PDE3A: variants seen among roughly 807,000 people sequenced by gnomAD.
PDE3A encodes the protein phosphodiesterase 3A.
In PDE3A, 43 loss-of-function variants were observed where a neutral mutation model predicts 98.3. The ratio of observed to expected loss-of-function variants is 0.44; its 90% CI spans 0.34 to 0.56. The LOEUF is 0.56. Among genes scored for constraint, PDE3A ranks in the 20% least tolerant of loss-of-function variants. PDE3A has a pLI of 0.01. For missense variants in PDE3A, 1,427 were observed against 1,440.7 expected, an observed-to-expected ratio of 0.99 and a Z score of 0.15; for synonymous variants, 663 against 567.9, an observed-to-expected ratio of 1.17 and a Z score of -2.38.
intron 1 of PDE3A, among the ~76,000 whole-genome samples, chr12:20,447,447 C>T (rs550673013): frequency 6.6e-6 from 1 of 152,296 alleles, no homozygotes; most frequent in Non-Finnish European, 1.5e-5. Context: ...CTCTCAACCT[C>T]TGCAGGGCTG....
chr12:20,652,477 G>C (rs1443052746), intron 14 of PDE3A, among the ~76,000 whole-genome samples: 2 of 152,128 alleles, frequency 1.3e-5, no homozygotes, highest in Non-Finnish European at 2.9e-5. Context: ...GGTGTGAGAT[G>C]GTATCTCGTT....
chr12:20,532,833 C>T (rs999188563), intron 1 of PDE3A, among the ~76,000 whole-genome samples: 2 of 151,400 alleles, frequency 1.3e-5, no homozygotes, highest in African/African-American at 4.8e-5. Flanking sequence ...GGACTACAGG[C>T]GCCCGCCACT....
chr12:20,651,685 A>G (rs1350863408), intron 14 of PDE3A, among the ~76,000 whole-genome samples: 2 of 152,346 alleles, frequency 1.3e-5, no homozygotes, highest in East Asian at 3.9e-4. Context: ...TAATAAATTG[A>G]CTGTCATTGG....
intron 1 of PDE3A, among the ~76,000 whole-genome samples, chr12:20,535,456 GA>G (rs1941724307): frequency 6.6e-6 from 1 of 152,128 alleles, no homozygotes; most frequent in South Asian, 2.1e-4. Flanking sequence ...CTGTCTGTGG[GA>G]CCTTCAGAGG....
intron 10 of PDE3A, 55 bp downstream of exon 10, chr12:20,640,012 G>T (rs936192916): frequency 3.7e-6 from 3 of 808,542 alleles, no homozygotes; most frequent in Non-Finnish European, 6.4e-6. Flanking sequence ...AATTTGCTGT[G>T]GGTAAATGGG....
chr12:20,687,599 T>C lies in PDE3A; in HGVS notation c.*7328T>C, dbSNP rs1946005060. Among the ~76,000 whole-genome samples, 1 of 152,018 alleles carries C rather than the reference T, an allele frequency of 6.6e-6. No homozygotes were observed. The highest frequency in any genetic ancestry group is 6.6e-5 in the Admixed American group (1 of 15,246). ...CCAACAAGAACAATCTGTTAGTTGA[T>C]AAGCACTGGTAATAAATATCACTGA... On this transcript the variant is annotated 3_prime_UTR_variant, in exon 16 of 16. Coordinates refer to ENST00000359062, the MANE Select transcript of PDE3A (RefSeq NM_000921.5).
intron 14 of PDE3A, 21 bp downstream of exon 14, chr12:20,650,621 A>G (rs1464759890): frequency 6.5e-7 from 1 of 1,530,124 alleles, no homozygotes; most frequent in South Asian, 1.1e-5. Context: ...ACTGTTTAAT[A>G]CAGCTTAATC....
At chr12:20,479,842 G>C (rs532562087) in intron 1 of PDE3A, among the ~76,000 whole-genome samples, 1 of 152,158 alleles carries the variant, frequency 6.6e-6, no homozygotes, top group African/African-American at 2.4e-5. Context: ...GTTCAACAAA[G>C]TCTTAAATTG....
intron 1 of PDE3A, among the ~76,000 whole-genome samples, chr12:20,505,447 C>T (rs1034849855): frequency 6.9e-6 from 1 of 144,624 alleles, no homozygotes; most frequent in Admixed American, 6.8e-5. Flanking sequence ...GTAGAGCTCT[C>T]TTTCCATATG....
chr12:20,529,704 C>T (rs1445423561), intron 1 of PDE3A, among the ~76,000 whole-genome samples: 1 of 152,064 alleles, frequency 6.6e-6, no homozygotes, highest in East Asian at 1.9e-4. Flanking sequence ...TGTGAGAGAG[C>T]ATAGGCCTGT....
rs202113500 is a variant in PDE3A at position 20,648,819 on chromosome 12, C to T, written c.2697C>T (p.Phe899=). ...LDHVEFKHFR[F]LVIEAILATD... ...ATGTGGAATTTAAGCATTTCCGTTT[C>T]CTTGTCATTGAAGCAATTTTGGCCA... Residue 899 remains phenylalanine, a synonymous_variant, in exon 13 of 16, where the codon TTC becomes TTT. Coordinates refer to ENST00000359062, the MANE Select transcript of PDE3A (RefSeq NM_000921.5). 8 of 1,613,770 alleles carry T rather than the reference C, an allele frequency of 5.0e-6. No homozygotes were observed. The highest frequency in any genetic ancestry group is 1.3e-5 in the African/African-American group (1 of 74,876).
At chr12:20,572,810 C>T (rs1039334272) in intron 2 of PDE3A, among the ~76,000 whole-genome samples, 3 of 152,094 alleles carry the variant, frequency 2.0e-5, no homozygotes, top group Admixed American at 1.3e-4. Flanking sequence ...TTCACTGCCA[C>T]GGTCCTTCCA....
chr12:20,424,093 G>GT (rs1260351970), intron 1 of PDE3A, among the ~76,000 whole-genome samples: 5 of 149,126 alleles, frequency 3.4e-5, no homozygotes, highest in Non-Finnish European at 6.1e-5. Flanking sequence ...ATGCATAACC[G>GT]TAAGTGCAGT....
At chr12:20,502,513 G>T (rs1174446136) in intron 1 of PDE3A, among the ~76,000 whole-genome samples, 1 of 152,082 alleles carries the variant, frequency 6.6e-6, no homozygotes, top group East Asian at 1.9e-4. Context: ...AAAAATGTTT[G>T]TCTGTAGTCT....
rs1945860688 is a variant in PDE3A, at chr12:20,683,666, G to A, written c.*3395G>A. The A allele has an allele frequency of 6.6e-6, 1 of 152,066 alleles. No homozygotes were observed. Among genetic ancestry groups the A allele is most frequent in the Non-Finnish European group, 1.5e-5 (1 of 68,004 alleles). 9.4% of individuals were successfully genotyped at this position (152,066 alleles called of 1,614,324 possible). A position where few individuals can be genotyped will look rare whatever the true frequency, so the allele number is the denominator to read the frequency against. ...ATTTTTTGTCATTTAGATAAGACCTGGTTTGGCTCTCAATAAAAGATGAAG... is the reference window on the plus strand; with the variant it reads ...ATTTTTTGTCATTTAGATAAGACCTAGTTTGGCTCTCAATAAAAGATGAAG... On this transcript the variant is annotated 3_prime_UTR_variant, in exon 16 of 16. Coordinates refer to ENST00000359062, the MANE Select transcript of PDE3A (RefSeq NM_000921.5).
intron 3 of PDE3A, 27 bp from the exon 4 acceptor site, chr12:20,616,203 G>A (rs1394979585): frequency 1.2e-6 from 2 of 1,604,640 alleles, no homozygotes; most frequent in East Asian, 4.5e-5. Context: ...AAATATTCTG[G>A]GTAATGAAGT....
chr12:20,576,821 C>T (rs955069428), intron 2 of PDE3A, among the ~76,000 whole-genome samples: 6 of 151,994 alleles, frequency 3.9e-5, no homozygotes, highest in African/African-American at 1.4e-4. Flanking sequence ...ATTGGCTTCT[C>T]GTTTTTTAAA....
intron 1 of PDE3A, among the ~76,000 whole-genome samples, chr12:20,490,004 A>T (rs887732017): frequency 2.0e-5 from 3 of 152,148 alleles, no homozygotes; most frequent in African/African-American, 7.2e-5. Flanking sequence ...GGCTTTCTAT[A>T]CCTAGAGATG....
intron 1 of PDE3A, among the ~76,000 whole-genome samples, chr12:20,389,184 G>A (rs1335053437): frequency 1.3e-5 from 2 of 151,926 alleles, no homozygotes; most frequent in Non-Finnish European, 2.9e-5. Context: ...GATGGTTAAG[G>A]TGACAGAGAC....
Sources: gnomAD v4.1 joint callset for allele counts (sites outside exome capture counted in the v4.1 genomes callset) on GRCh38, gnomAD v4.1.1 for gene constraint, MANE v1.5 for transcripts, NCBI Gene and HGNC (gene_info 2026-07-23, HGNC 2026-07-21) for gene names.